The following DPP6 variants were observed in gnomAD, a reference collection of about 807,000 sequenced individuals.
The protein encoded by DPP6 is A-type potassium channel modulatory protein DPP6.
A neutral mutation model predicts 122.6 loss-of-function variants in DPP6; 69 were observed. That is an observed-to-expected ratio of 0.56 (90% CI 0.46 to 0.69). The LOEUF is 0.69. Among genes scored for constraint, DPP6 ranks in the 30% least tolerant of loss-of-function variants. The pLI, the probability that DPP6 is intolerant of heterozygous loss-of-function variation, is 0.00. For synonymous variants in DPP6, 418 were observed against 433.1 expected (o/e 0.97, Z 0.43); for missense variants, 928 against 1,116.9 (o/e 0.83, Z 2.41).
chr7:154,189,854 T>C (rs1029842363), intron 1 of DPP6, among the ~76,000 whole-genome samples: 23 of 152,220 alleles, frequency 1.5e-4, no homozygotes, highest in African/African-American at 5.5e-4. Context: ...GTCAAACAAT[T>C]TAATTTCTCA....
intron 1 of DPP6, among the ~76,000 whole-genome samples, chr7:154,119,176 G>GC (rs1164219666): frequency 6.6e-6 from 1 of 152,180 alleles, no homozygotes; most frequent in African/African-American, 2.4e-5. Flanking sequence ...ATGGTTCCGA[G>GC]CTAGAGCTGG....
chr7:154,648,323 C>G (rs527296630), intron 6 of DPP6, among the ~76,000 whole-genome samples: 40 of 151,798 alleles, frequency 2.6e-4, no homozygotes, highest in Non-Finnish European at 3.1e-4. Flanking sequence ...ATGCGAAGCA[C>G]TGGGGATGGA....
rs1227339807 is a variant in DPP6 at position 154,395,336 on chromosome 7, A to G, written c.244-50878A>G. ...GGGGGGAAACAAACTTTCATATTGT[A>G]GCGGGTAGCATTGACATCTTAACAA... On this transcript the variant is annotated intron_variant, in intron 1 of 25. Transcript: ENST00000377770. Among the ~76,000 whole-genome samples the G allele has an allele frequency of 2.6e-5, 4 of 152,242 alleles. No homozygotes were observed. In the East Asian group the frequency reaches 7.7e-4, roughly 29 times the overall value.
At chr7:154,288,378 G>T (rs977268049) in intron 1 of DPP6, among the ~76,000 whole-genome samples, 8 of 152,204 alleles carry the variant, frequency 5.3e-5, no homozygotes, top group African/African-American at 1.2e-4. Context: ...GCTACCCAGG[G>T]TTCCCACTGT....
chr7:153,773,281 G>GTGTGTGTGTGTGTGTGTC, the DPP6 span, among the ~76,000 whole-genome samples: 14 of 144,904 alleles, frequency 9.7e-5, no homozygotes, highest in South Asian at 4.4e-4. Flanking sequence ...GTGTGTGTGT[G>GTGTGTGTGTGTGTGTGTC]TGTGTGTGTG....
At chr7:153,943,362 T>C (rs989622371) in intron 1 of DPP6, among the ~76,000 whole-genome samples, 1 of 152,338 alleles carries the variant, frequency 6.6e-6, no homozygotes, top group East Asian at 1.9e-4. Context: ...GTGACTTGTC[T>C]TGGAAATTTC....
At chr7:154,525,702 T>C (rs563543013) in intron 3 of DPP6, among the ~76,000 whole-genome samples, 1 of 152,198 alleles carries the variant, frequency 6.6e-6, no homozygotes, top group East Asian at 1.9e-4. Flanking sequence ...TCCCGTACAT[T>C]GTAAATATTT....
the DPP6 span, among the ~76,000 whole-genome samples, chr7:153,835,611 G>C: frequency 2.0e-5 from 3 of 152,206 alleles, no homozygotes; most frequent in South Asian, 6.2e-4. Context: ...AGGAATTTTG[G>C]CTCTCCTACT....
chr7:154,453,262 A>G (rs1386450768), intron 2 of DPP6, among the ~76,000 whole-genome samples: 1 of 152,180 alleles, frequency 6.6e-6, no homozygotes, highest in Non-Finnish European at 1.5e-5. Flanking sequence ...TTTAGGTGGT[A>G]CATCAATGAG....
At chr7:153,828,259 G>C in the DPP6 span, among the ~76,000 whole-genome samples, 2 of 152,240 alleles carry the variant, frequency 1.3e-5, no homozygotes, top group African/African-American at 4.8e-5. Context: ...GGGCAGTGGA[G>C]GGAGACAGTG....
chr7:154,505,098 C>T (rs10232716), intron 3 of DPP6, among the ~76,000 whole-genome samples: 40,031 of 152,016 alleles, frequency 0.26, 5,464 homozygotes, highest in Non-Finnish European at 0.29. Context: ...TCTGGAAAGT[C>T]TAAATACTGT....
chr7:153,777,083 C>T, the DPP6 span, among the ~76,000 whole-genome samples: 1 of 152,122 alleles, frequency 6.6e-6, no homozygotes, highest in Non-Finnish European at 1.5e-5. Context: ...CAGATCTAAA[C>T]AGAAACTTAA....
intron 6 of DPP6, among the ~76,000 whole-genome samples, chr7:154,665,274 T>C (rs543600217): frequency 2.0e-5 from 3 of 152,326 alleles, no homozygotes; most frequent in South Asian, 4.1e-4. Context: ...GCCTTGGTCA[T>C]TTGCTTAAGT....
At chr7:154,278,319 AAAATTCT>A (rs1804271080) in intron 1 of DPP6, among the ~76,000 whole-genome samples, 1 of 152,220 alleles carries the variant, frequency 6.6e-6, no homozygotes, top group African/African-American at 2.4e-5. Flanking sequence ...CACACTCCAG[AAAATTCT>A]AAATGACTTT....
At chr7:154,524,178 C>G (rs1827221980) in intron 3 of DPP6, among the ~76,000 whole-genome samples, 1 of 152,182 alleles carries the variant, frequency 6.6e-6, no homozygotes, top group Admixed American at 6.5e-5. Flanking sequence ...TAGTTATGTT[C>G]AGCTATGGAA....
chr7:154,880,952 C>T lies in DPP6; in HGVS notation c.2133+10C>T, dbSNP rs3817521. The T allele has an allele frequency of 0.11, 181,735 of 1,613,542 alleles. 13,048 individuals are homozygous for T. The highest frequency in any genetic ancestry group is 0.4 in the East Asian group (17,742 of 44,834). On this transcript the variant is annotated intron_variant, in intron 21 of 25. Transcript: ENST00000377770. The stretch of plus-strand genomic sequence containing the variant: ...GGCCGTGTTTGGGAAGGTGAGTCTG[C>T]GCCACCCTGGTCTGAAAACCCCTCA...
At chr7:153,941,478 T>A (rs1801693715) in intron 1 of DPP6, among the ~76,000 whole-genome samples, 1 of 152,156 alleles carries the variant, frequency 6.6e-6, no homozygotes, top group Non-Finnish European at 1.5e-5. Context: ...AGTCCAGGCC[T>A]GGATCCCACA....
At chr7:153,989,814 G>C (rs1797063513) in intron 1 of DPP6, among the ~76,000 whole-genome samples, 1 of 151,954 alleles carries the variant, frequency 6.6e-6, no homozygotes, top group Non-Finnish European at 1.5e-5. Flanking sequence ...TTTTAGGCCA[G>C]GATAGGGACA....
chr7:154,459,433 C>G (rs1473529915), intron 2 of DPP6, among the ~76,000 whole-genome samples: 1 of 152,024 alleles, frequency 6.6e-6, no homozygotes, highest in Non-Finnish European at 1.5e-5. Flanking sequence ...AGACACATAC[C>G]GATTCAGGCT....
Sources: gnomAD v4.1 joint callset for allele counts (sites outside exome capture counted in the v4.1 genomes callset) on GRCh38, gnomAD v4.1.1 for gene constraint, MANE v1.5 for transcripts, NCBI Gene and HGNC (gene_info 2026-07-23, HGNC 2026-07-21) for gene names.